Variants in ZBBX observed in about 807,000 individuals in gnomAD.
ZBBX encodes zinc finger B-box domain containing, also known as zinc finger B-box domain-containing protein 1.
ZBBX carries 101 observed loss-of-function variants against 108.5 expected under a neutral mutation model. The observed-to-expected ratio is 0.93, with a 90% CI of 0.79 to 1.10. The LOEUF (loss-of-function observed/expected upper bound fraction) is 1.10. ZBBX is among the 50% of genes least tolerant of loss of function. ZBBX has a pLI of 0.00. For missense variants in ZBBX, 1,009 were observed against 941.4 expected, an observed-to-expected ratio of 1.07 and a Z score of -0.94; for synonymous variants, 356 against 323.4, an observed-to-expected ratio of 1.10 and a Z score of -1.08.
intron 7 of ZBBX, among the ~76,000 whole-genome samples, chr3:167,360,460 A>G (rs954278474): frequency 3.3e-5 from 5 of 151,854 alleles, no homozygotes; most frequent in African/African-American, 1.2e-4. Flanking sequence ...GAAAAATACT[A>G]TTACTATAAT....
intron 1 of ZBBX, among the ~76,000 whole-genome samples, chr3:167,392,446 G>T (rs147324110): frequency 6.6e-6 from 1 of 151,890 alleles, no homozygotes; most frequent in African/African-American, 2.4e-5. Context: ...TCTAGTACCA[G>T]AATTGCTGAG....
At chr3:167,389,479 T>G (rs1277293409) in intron 1 of ZBBX, among the ~76,000 whole-genome samples, 1 of 152,178 alleles carries the variant, frequency 6.6e-6, no homozygotes, top group African/African-American at 2.4e-5. Flanking sequence ...TTTATAATCC[T>G]TTGGGTATAT....
At chr3:167,367,345 C>T (rs957604141) in intron 5 of ZBBX, among the ~76,000 whole-genome samples, 8 of 151,516 alleles carry the variant, frequency 5.3e-5, no homozygotes, top group East Asian at 3.9e-4. Context: ...CATATGTAAG[C>T]GAAAATACAT....
chr3:167,320,953 G>C (rs1351694597), intron 12 of ZBBX, among the ~76,000 whole-genome samples: 4 of 152,018 alleles, frequency 2.6e-5, no homozygotes, highest in African/African-American at 9.7e-5. Flanking sequence ...AAAATACAAT[G>C]TGTAATCCTG....
chr3:167,278,574 C>T (rs1271541330), intron 20 of ZBBX, among the ~76,000 whole-genome samples: 2 of 149,164 alleles, frequency 1.3e-5, no homozygotes, highest in Admixed American at 1.3e-4. Flanking sequence ...TCTGAATAGA[C>T]CAATAACAGG....
chr3:167,288,125 T>C (rs1730037584), intron 19 of ZBBX, among the ~76,000 whole-genome samples: 1 of 152,086 alleles, frequency 6.6e-6, no homozygotes, highest in Non-Finnish European at 1.5e-5. Flanking sequence ...CCTCAAAATA[T>C]ATGCTGAATT....
intron 20 of ZBBX, chr3:167,248,491 C>G: frequency 3.5e-6 from 1 of 286,386 alleles, no homozygotes; most frequent in African/African-American, 2.2e-5. Context: ...CCCCCACCAC[C>G]AACTCTGTTT....
chr3:167,210,088 TTAAAATAAAA>T, the ZBBX span, among the ~76,000 whole-genome samples: 1 of 151,898 alleles, frequency 6.6e-6, no homozygotes, highest in Non-Finnish European at 1.5e-5. Context: ...AGACTTGGTC[TTAAAATAAAA>T]TAAAATAAAA....
chr3:167,277,509 T>C (rs928651035), intron 20 of ZBBX, among the ~76,000 whole-genome samples: 7 of 152,220 alleles, frequency 4.6e-5, no homozygotes, highest in Admixed American at 2.0e-4. Flanking sequence ...AGAAGGCCAT[T>C]ACATAATGGT....
intron 9 of ZBBX, among the ~76,000 whole-genome samples, chr3:167,336,206 T>C (rs1229238721): frequency 6.6e-6 from 1 of 152,084 alleles, no homozygotes; most frequent in African/African-American, 2.4e-5. Flanking sequence ...ATCAATGTTA[T>C]AATAATTGTT....
At chr3:167,388,262 T>C (rs759155832) in intron 1 of ZBBX, among the ~76,000 whole-genome samples, 1 of 151,880 alleles carries the variant, frequency 6.6e-6, no homozygotes, top group Non-Finnish European at 1.5e-5. Flanking sequence ...AATGAGAGTG[T>C]GGTTTAAATG....
At chr3:167,180,112 A>C in the ZBBX span, among the ~76,000 whole-genome samples, 11 of 152,202 alleles carry the variant, frequency 7.2e-5, no homozygotes, top group East Asian at 3.9e-4. Context: ...TCGAACAACA[A>C]CACCAGTAGG....
intron 16 of ZBBX, among the ~76,000 whole-genome samples, chr3:167,311,074 T>C (rs1327912680): frequency 6.6e-6 from 1 of 151,916 alleles, no homozygotes; most frequent in Middle Eastern, 3.2e-3. Context: ...TCTATAACAA[T>C]CAAGAGAGTG....
intron 4 of ZBBX, among the ~76,000 whole-genome samples, chr3:167,369,434 G>C (rs752492683): frequency 1.3e-5 from 2 of 152,250 alleles, no homozygotes; most frequent in Non-Finnish European, 2.9e-5. Context: ...AAAAGCAAGC[G>C]GGCCAAGGAT....
chr3:167,211,182 G>A, the ZBBX span, among the ~76,000 whole-genome samples: 2 of 152,196 alleles, frequency 1.3e-5, no homozygotes, highest in Non-Finnish European at 2.9e-5. Context: ...GCCCAGGAAA[G>A]TGGTAAGAGA....
At chr3:167,403,156 C>T (rs1363480121) in intron 1 of ZBBX, among the ~76,000 whole-genome samples, 1 of 151,966 alleles carries the variant, frequency 6.6e-6, no homozygotes, top group Admixed American at 6.6e-5. Flanking sequence ...AATTGTCAAA[C>T]TGAAATCCAA....
intron 20 of ZBBX, among the ~76,000 whole-genome samples, chr3:167,279,276 G>C (rs960998796): frequency 4.6e-5 from 7 of 151,862 alleles, no homozygotes; most frequent in Admixed American, 3.3e-4. Context: ...GAAATAAAGG[G>C]TATTCAATTA....
At chr3:167,402,988 G>A (rs995943129) in intron 1 of ZBBX, among the ~76,000 whole-genome samples, 2 of 152,172 alleles carry the variant, frequency 1.3e-5, no homozygotes, top group Non-Finnish European at 2.9e-5. Flanking sequence ...TGGAAGAACA[G>A]AAGGATAGGA....
In ZBBX at chr3:167,300,741, T is replaced by C. The variant is rs564789793; in HGVS notation, c.1726-2283A>G. ...TCTCCTGCCTCAGCCTCCTGAGTAG[T>C]TGGGTAGTTGGGATTACAGGCACCT... is the stretch of plus-strand genomic sequence containing the variant. On this transcript the variant is annotated intron_variant, in intron 17 of 21. Coordinates refer to ENST00000675490, the MANE Select transcript of ZBBX (RefSeq NM_001199201.2). Among the ~76,000 whole-genome samples the C allele has an allele frequency of 2.4e-3, 358 of 151,260 alleles. 1 individual carries two copies. The highest frequency in any genetic ancestry group is 3.2e-3 in the Non-Finnish European group (214 of 67,718).
Sources: gnomAD v4.1 joint callset for allele counts (sites outside exome capture counted in the v4.1 genomes callset) on GRCh38, gnomAD v4.1.1 for gene constraint, MANE v1.5 for transcripts, NCBI Gene and HGNC (gene_info 2026-07-23, HGNC 2026-07-21) for gene names.